Variants in HOXC9 observed in about 807,000 individuals in gnomAD.
The protein encoded by HOXC9 is homeobox protein Hox-C9.
HOXC9 carries 10 observed loss-of-function variants against 20.0 expected under a neutral mutation model. That is an observed-to-expected ratio of 0.50 (90% confidence interval 0.31 to 0.85). The LOEUF (loss-of-function observed/expected upper bound fraction) is 0.85, where lower values mean the gene tolerates loss of function less well. HOXC9 is among the 40% of genes least tolerant of loss of function. HOXC9 has a pLI of 0.05. For synonymous variants in HOXC9, 200 were observed against 163.7 expected, an observed-to-expected ratio of 1.22 and a Z score of -1.69; for missense variants, 394 against 376.7, an observed-to-expected ratio of 1.05 and a Z score of -0.38.
chr12:54,002,753 G>C lies in HOXC9; in HGVS notation c.*79G>C, dbSNP rs1044932102. On this transcript the variant is annotated 3_prime_UTR_variant, in exon 2 of 2. Transcript: ENST00000303450. ...AAAATACCCCAACACAGGCGGGGGA[G>C]AGACGAAAAAGAAAAGGAAAGAGCA... 6.8e-7 allele frequency: 1 copy of C among 1,465,260 alleles called. No individual in the cohort carries two copies. The highest frequency in any genetic ancestry group is 9.2e-7 in the Non-Finnish European group (1 of 1,088,196). The allele number at this position is 1,465,260 out of a possible 1,614,324, so 90.8% of individuals were successfully genotyped here.
intron 1 of HOXC9, 127 bp from the exon 2 acceptor site, chr12:54,002,303 C>A: frequency 2.4e-6 from 3 of 1,232,624 alleles, no homozygotes; most frequent in Non-Finnish European, 2.3e-6. Context: ...ATTCCTAAAG[C>A]AAAATGTGTC....
chr12:54,002,805 A>G lies in HOXC9; in HGVS notation c.*131A>G. 9.4e-7 allele frequency: 1 copy of G among 1,062,960 alleles called. No homozygotes were observed. Among genetic ancestry groups the G allele is most frequent in the Non-Finnish European group, 1.3e-6 (1 of 755,740 alleles). The allele number at this position is 1,062,960 out of a possible 1,614,324, so 65.8% of individuals were successfully genotyped here. A position where few individuals can be genotyped will look rare whatever the true frequency, so the allele number is the denominator to read the frequency against. On this transcript the variant is annotated 3_prime_UTR_variant, in exon 2 of 2. Transcript: ENST00000303450. ...GATAGACAAAAGCCAATCAGCTTAA[A>G]AAGAAAAACAAGGAAGGGGAAAAGA...
In HOXC9 at chr12:54,000,353, C is replaced by G. The variant is rs1407570013; in HGVS notation, c.165C>G (p.Phe55Leu). Residue 55 changes from phenylalanine to leucine, a missense_variant, in exon 1 of 2, where the codon TTC becomes TTG. By Grantham distance (22) the Phe-to-Leu change is conservative. Coordinates refer to ENST00000303450, the MANE Select transcript of HOXC9 (RefSeq NM_006897.3). ...GTAGCGATTTTCCGTCCTGTAGCTT[C>G]GCGCCCAAGCCGGCAGTGTTCAGCA... The part of the protein sequence containing the change: ...PDCSDFPSCS[F>L]APKPAVFSTS... The G allele has an allele frequency of 3.7e-6, 6 of 1,613,926 alleles. No homozygotes were observed. Among genetic ancestry groups the G allele is most frequent in the Non-Finnish European group, 5.1e-6 (6 of 1,180,038 alleles).
chr12:54,000,518 G>A lies in HOXC9; in HGVS notation c.330G>A (p.Pro110=). 1.3e-6 allele frequency: 2 copies of A among 1,589,424 alleles called. No individual in the cohort carries two copies. Among genetic ancestry groups the A allele is most frequent in the Non-Finnish European group, 8.5e-7 (1 of 1,174,902 alleles). Residue 110 remains proline (P), a synonymous_variant, in exon 1 of 2, where the codon CCG becomes CCA. Transcript: ENST00000303450. Reference sequence around the variant, plus strand: ...GCGCCGTCTCCTTCCCCAGCTTCCCGGCCGGGGGCCGTCACTACGCCCTCA... The same window carrying A: ...GCGCCGTCTCCTTCCCCAGCTTCCCAGCCGGGGGCCGTCACTACGCCCTCA... ...LSGAVSFPSF[P]AGGRHYALKP... is the part of the protein sequence containing the mutation.
At chr12:54,000,872 T>G (rs1158600755) in intron 1 of HOXC9, 146 bp downstream of exon 1, 2 of 715,096 alleles carry the variant, frequency 2.8e-6, no homozygotes, top group Non-Finnish European at 4.3e-6. Context: ...GCGAATTACC[T>G]TGGGGAGCTT....
At position 54,002,735 on chromosome 12, in the gene HOXC9, C is replaced by G; in HGVS notation, c.*61C>G. The G allele has an allele frequency of 6.5e-7, 1 of 1,536,852 alleles. No individual in the cohort carries two copies. Among genetic ancestry groups the G allele is most frequent in the Non-Finnish European group, 8.8e-7 (1 of 1,138,948 alleles). On this transcript the variant is annotated 3_prime_UTR_variant, in exon 2 of 2. Coordinates refer to ENST00000303450, the MANE Select transcript of HOXC9 (RefSeq NM_006897.3). ...GAAAAACAAAAACCCCACAAAATAC[C>G]CCAACACAGGCGGGGGAGAGACGAA... is the stretch of plus-strand genomic sequence containing the variant.
rs200142062 is a variant in HOXC9 at position 54,002,488 on chromosome 12, C to T, written c.597C>T (p.Tyr199=). Reference sequence around the variant, plus strand: ...CCACGAGGAAGAAGCGCTGCCCCTACACCAAGTACCAGACGCTGGAACTGG... The same window carrying T: ...CCACGAGGAAGAAGCGCTGCCCCTATACCAAGTACCAGACGCTGGAACTGG... ...ARSTRKKRCP[Y]TKYQTLELEK... The change falls in exon 2 of 2, where the codon TAC becomes TAT. Residue 199 remains tyrosine (Y), a synonymous_variant. Coordinates refer to ENST00000303450, the MANE Select transcript of HOXC9 (RefSeq NM_006897.3). 58 of 1,614,206 alleles carry T rather than the reference C, an allele frequency of 3.6e-5. No individual in the cohort carries two copies. The highest frequency in any genetic ancestry group is 8.9e-5 in the East Asian group (4 of 44,886).
rs1303420109 is a variant in HOXC9, at chr12:54,000,476, G to C, written c.288G>C (p.Trp96Cys). 1.9e-6 allele frequency: 3 copies of C among 1,600,498 alleles called. No individual in the cohort carries two copies. Among genetic ancestry groups the C allele is most frequent in the Non-Finnish European group, 1.7e-6 (2 of 1,179,474 alleles). Residue 96 changes from tryptophan to cysteine, a missense_variant, in exon 1 of 2, where the codon TGG becomes TGC. Transcript: ENST00000303450. ...CCGACACGCGCTACATGCGGACTTG[G>C]CTCGAGCCGCTGTCCGGCGCCGTCT... ...LGADTRYMRTWLEPLSGAVSF... is the reference protein window; with the variant it reads ...LGADTRYMRTCLEPLSGAVSF...
chr12:54,001,462 T>A (rs1310272807), intron 1 of HOXC9, among the ~76,000 whole-genome samples: 6 of 143,542 alleles, frequency 4.2e-5, no homozygotes, highest in African/African-American at 1.1e-4. Flanking sequence ...ACACTCACTC[T>A]CACTCACTCA....
rs569699265 is a variant in HOXC9 at position 54,000,303 on chromosome 12, A to C, written c.115A>C (p.Arg39=). The C allele has an allele frequency of 6.2e-7, 1 of 1,613,996 alleles. No individual in the cohort carries two copies. Among genetic ancestry groups the C allele is most frequent in the East Asian group, 2.2e-5 (1 of 44,886 alleles). The change falls in exon 1 of 2, where the codon AGA becomes CGA. Residue 39 remains arginine, a synonymous_variant. Transcript: ENST00000303450. ...PATGAHPAAA[R]PSGLVPDCSD... is the part of the protein sequence containing the mutation. Reference sequence around the variant, plus strand: ...CACCGGGGCTCATCCCGCCGCCGCCAGACCCAGCGGTTTGGTGCCGGACTG... The same window carrying C: ...CACCGGGGCTCATCCCGCCGCCGCCCGACCCAGCGGTTTGGTGCCGGACTG...
rs769653648 is a variant in HOXC9 at position 54,000,219 on chromosome 12, T to G, written c.31T>G (p.Tyr11Asp). 5 of 1,614,166 alleles carry G rather than the reference T, an allele frequency of 3.1e-6. No homozygotes were observed. In the East Asian group the frequency reaches 1.1e-4, roughly 36 times the overall value. Residue 11 changes from tyrosine (Y) to aspartate (D), a missense_variant, in exon 1 of 2, where the codon TAC becomes GAC. By Grantham distance (160) the Tyr-to-Asp change is radical. Coordinates refer to ENST00000303450, the MANE Select transcript of HOXC9 (RefSeq NM_006897.3). Reference sequence around the variant, plus strand: ...GGCGACGGGGCCCATCAGTAACTATTACGTGGACTCGCTCATCTCTCACGA... The same window carrying G: ...GGCGACGGGGCCCATCAGTAACTATGACGTGGACTCGCTCATCTCTCACGA... MSATGPISNY[Y>D]VDSLISHDNE... is the part of the protein sequence containing the mutation.
intron 1 of HOXC9, 51 bp from the exon 2 acceptor site, chr12:54,002,379 C>A: frequency 1.3e-6 from 2 of 1,586,540 alleles, no homozygotes; most frequent in Non-Finnish European, 1.7e-6. Flanking sequence ...TAGCAGAAGT[C>A]CTGGGCTGGA....
At position 54,002,722 on chromosome 12, in the gene HOXC9, C is replaced by A. The variant is rs556873701; in HGVS notation, c.*48C>A. 3.2e-6 allele frequency: 5 copies of A among 1,561,168 alleles called. No homozygotes were observed. The African/African-American group carries it at 6.9e-5, about 21-fold the overall frequency. ...AGCACAGCCAAGGGAAAAACAAAAA[C>A]CCCACAAAATACCCCAACACAGGCG... On this transcript the variant is annotated 3_prime_UTR_variant, in exon 2 of 2. Coordinates refer to ENST00000303450, the MANE Select transcript of HOXC9 (RefSeq NM_006897.3).
At position 54,000,334 on chromosome 12, in the gene HOXC9, A is replaced by G; in HGVS notation, c.146A>G (p.Asp49Gly). The change falls in exon 1 of 2, where the codon GAT (aspartate) becomes GGT (glycine). Residue 49 changes from aspartate to glycine, a missense_variant. Transcript: ENST00000303450. ...AGCGGTTTGGTGCCGGACTGTAGCG[A>G]TTTTCCGTCCTGTAGCTTCGCGCCC... ...RPSGLVPDCS[D>G]FPSCSFAPKP... is the part of the protein sequence containing the mutation. 6.2e-7 allele frequency: 1 copy of G among 1,613,684 alleles called. No individual in the cohort carries two copies. Among genetic ancestry groups the G allele is most frequent in the Non-Finnish European group, 8.5e-7 (1 of 1,179,956 alleles).
In HOXC9 at chr12:54,000,375, A is replaced by G. The variant is rs570685935; in HGVS notation, c.187A>G (p.Ser63Gly). ...CSFAPKPAVFSTSWAPVPSQS... is the reference protein window; with the variant it reads ...CSFAPKPAVFGTSWAPVPSQS... ...CTTCGCGCCCAAGCCGGCAGTGTTCAGCACGTCGTGGGCGCCCGTGCCCTC... is the reference window on the plus strand; with the variant it reads ...CTTCGCGCCCAAGCCGGCAGTGTTCGGCACGTCGTGGGCGCCCGTGCCCTC... The change falls in exon 1 of 2, where the codon AGC becomes GGC. Residue 63 changes from serine to glycine, a missense_variant. Physicochemically the swap from Ser to Gly is moderately conservative, Grantham distance 56 (BLOSUM62 0). Coordinates refer to ENST00000303450, the MANE Select transcript of HOXC9 (RefSeq NM_006897.3). The G allele has an allele frequency of 1.9e-6, 3 of 1,613,786 alleles. No homozygotes were observed. Among genetic ancestry groups the G allele is most frequent in the African/African-American group, 2.7e-5 (2 of 75,074 alleles).
At chr12:54,000,761 CG>C in intron 1 of HOXC9, 35 bp downstream of exon 1, 2 of 1,405,274 alleles carry the variant, frequency 1.4e-6, no homozygotes, top group Non-Finnish European at 9.4e-7. Context: ...ACAACCGGCG[CG>C]GGAGGGGAGG....
At position 54,002,584 on chromosome 12, in the gene HOXC9, C is replaced by T. The variant is rs200241065; in HGVS notation, c.693C>T (p.Leu231=). ...RRYEVARVLN[L]TERQVKIWFQ... ...ATGAGGTGGCCCGGGTTCTCAATCT[C>T]ACCGAGCGGCAGGTCAAAATCTGGT... is the stretch of plus-strand genomic sequence containing the variant. The change falls in exon 2 of 2, where the codon CTC becomes CTT. Residue 231 remains leucine (L), a synonymous_variant. Coordinates refer to ENST00000303450, the MANE Select transcript of HOXC9 (RefSeq NM_006897.3). The T allele has an allele frequency of 3.3e-5, 53 of 1,614,160 alleles. No homozygotes were observed. The highest frequency in any genetic ancestry group is 2.5e-6 in the Non-Finnish European group (3 of 1,180,028).
chr12:54,001,796 G>C (rs1468429469), intron 1 of HOXC9, among the ~76,000 whole-genome samples: 1 of 152,190 alleles, frequency 6.6e-6, no homozygotes, highest in Non-Finnish European at 1.5e-5. Flanking sequence ...GGGGGCACTG[G>C]AGGCCAAACA....
In HOXC9 at chr12:54,000,680, G is replaced by A; in HGVS notation, c.492G>A (p.Ala164=). 1 of 1,563,276 alleles carries A rather than the reference G, an allele frequency of 6.4e-7. No individual in the cohort carries two copies. The highest frequency in any genetic ancestry group is 8.6e-7 in the Non-Finnish European group (1 of 1,161,248). ...PQTLPSPEAD[A]LAGSKHKEEK... is the part of the protein sequence containing the mutation. Reference sequence around the variant, plus strand: ...CACTGCCCTCGCCCGAGGCGGACGCGCTCGCCGGCAGCAAGCACAAAGAGG... The same window carrying A: ...CACTGCCCTCGCCCGAGGCGGACGCACTCGCCGGCAGCAAGCACAAAGAGG... Residue 164 remains alanine (A), a synonymous_variant, in exon 1 of 2, where the codon GCG becomes GCA. Coordinates refer to ENST00000303450, the MANE Select transcript of HOXC9 (RefSeq NM_006897.3).
Sources: allele counts gnomAD v4.1 joint callset (sites outside exome capture counted in the v4.1 genomes callset), GRCh38; gene constraint gnomAD v4.1.1; transcripts MANE v1.5; gene names NCBI Gene and HGNC (gene_info 2026-07-23, HGNC 2026-07-21).